The following POLN variants were observed in gnomAD, a reference collection of about 807,000 sequenced individuals.
POLN encodes the protein DNA polymerase nu.
In POLN, 108 loss-of-function variants were observed where a neutral mutation model predicts 113.5. The ratio of observed to expected loss-of-function variants is 0.95; its 90% CI spans 0.81 to 1.12. The LOEUF is 1.12. Ranked by LOEUF, POLN falls within the 50% of genes most tolerant of loss-of-function variation. The pLI is 0.00. For synonymous variants in POLN, 386 were observed against 391.5 expected (o/e 0.99, Z 0.17); for missense variants, 1,097 against 1,077.1 (o/e 1.02, Z -0.26).
intron 6 of POLN, among the ~76,000 whole-genome samples, chr4:2,197,087 G>A (rs756512615): frequency 6.6e-6 from 1 of 152,222 alleles, no homozygotes; most frequent in Admixed American, 6.5e-5. Flanking sequence ...TTCTACACTT[G>A]ATCTTAGCCA....
At chr4:2,074,047 C>T (rs765442684) in intron 24 of POLN, among the ~76,000 whole-genome samples, 7 of 152,232 alleles carry the variant, frequency 4.6e-5, no homozygotes, top group Non-Finnish European at 8.8e-5. Context: ...CAAGCTGGAC[C>T]ATTGGCTCCT....
intron 13 of POLN, 27 bp downstream of exon 13, chr4:2,170,652 A>C: frequency 6.3e-7 from 1 of 1,588,204 alleles, no homozygotes; most frequent in Non-Finnish European, 8.6e-7. Flanking sequence ...CATTCTAAAA[A>C]GAAAAAGGAT....
chr4:2,093,084 CTT>C lies in POLN; in HGVS notation c.2065+2765_2065+2766del, dbSNP rs977109715. Among the ~76,000 whole-genome samples the C allele has an allele frequency of 2.0e-5, 3 of 151,514 alleles. No homozygotes were observed. Among genetic ancestry groups the C allele is most frequent in the African/African-American group, 7.3e-5 (3 of 40,938 alleles). ...CAGTGCTTATTTACAAAATGTAGCT[CTT>C]TTCCTCTCCAGAAAAAAAAAAAAAG... On this transcript the variant is annotated intron_variant, in intron 20 of 25. Coordinates refer to ENST00000511885, the MANE Select transcript of POLN (RefSeq NM_181808.4). The surrounding 1 kb of genome is among the most constrained non-coding windows in gnomAD (Gnocchi z 4.1).
chr4:2,129,400 A>G (rs372889718), intron 17 of POLN, 144 bp from the exon 18 acceptor site: 14 of 558,322 alleles, frequency 2.5e-5, no homozygotes, highest in East Asian at 1.4e-4. Context: ...TAATTTAATT[A>G]TTTTAGAGAT....
At chr4:2,145,103 C>T (rs1223103559) in intron 16 of POLN, among the ~76,000 whole-genome samples, 1 of 152,032 alleles carries the variant, frequency 6.6e-6, no homozygotes, top group Non-Finnish European at 1.5e-5. Flanking sequence ...AATCAGATCG[C>T]TACCTTAGAC....
At chr4:2,187,191 A>C (rs777666173) in intron 7 of POLN, among the ~76,000 whole-genome samples, 18 of 152,184 alleles carry the variant, frequency 1.2e-4, no homozygotes, top group Non-Finnish European at 2.2e-4. Flanking sequence ...AGGAATAGAA[A>C]GCTTATTCAA....
chr4:2,122,571 A>G (rs1731470247), intron 19 of POLN, among the ~76,000 whole-genome samples: 1 of 152,226 alleles, frequency 6.6e-6, no homozygotes, highest in Non-Finnish European at 1.5e-5. Flanking sequence ...CTAGAATCAA[A>G]AAGACAGGTA....
chr4:2,132,687 AG>A (rs1328823331), intron 16 of POLN, among the ~76,000 whole-genome samples: 3 of 152,216 alleles, frequency 2.0e-5, no homozygotes, highest in Non-Finnish European at 4.4e-5. Flanking sequence ...AAGACAATGG[AG>A]CCACAACTTC....
At chr4:2,205,406 A>G (rs1001285564) in intron 5 of POLN, among the ~76,000 whole-genome samples, 1 of 152,204 alleles carries the variant, frequency 6.6e-6, no homozygotes, top group Non-Finnish European at 1.5e-5. Context: ...TCTGCATGGA[A>G]AACTCCAAAA....
intron 13 of POLN, among the ~76,000 whole-genome samples, chr4:2,160,640 C>T (rs1732557397): frequency 6.6e-6 from 1 of 152,082 alleles, no homozygotes; most frequent in Non-Finnish European, 1.5e-5. Context: ...AACTCCTGGC[C>T]TCAAGTGATC....
At chr4:2,236,346 T>A in intron 2 of POLN, 1 of 1,613,074 alleles carries the variant, frequency 6.2e-7, no homozygotes, top group Non-Finnish European at 8.5e-7. Flanking sequence ...TGCCAACTGA[T>A]CTTGTACTAA....
intron 16 of POLN, among the ~76,000 whole-genome samples, chr4:2,155,866 G>A (rs1032859091): frequency 9.2e-5 from 14 of 151,460 alleles, no homozygotes; most frequent in Middle Eastern, 3.2e-3. Flanking sequence ...ACAGAGTCTC[G>A]CTCTGTCACC....
chr4:2,084,532 C>T (rs758685034), intron 21 of POLN, among the ~76,000 whole-genome samples: 34 of 152,220 alleles, frequency 2.2e-4, no homozygotes, highest in East Asian at 5.8e-4. Flanking sequence ...GCTCCCCTTC[C>T]GGGCTAGTGT....
chr4:2,085,503 A>G, intron 21 of POLN, 110 bp downstream of exon 21: 3 of 1,454,442 alleles, frequency 2.1e-6, no homozygotes, highest in Admixed American at 2.0e-5. Flanking sequence ...CAGGCCCCCA[A>G]ACCAACCTCA....
At chr4:2,115,981 G>A (rs1212434850) in intron 19 of POLN, among the ~76,000 whole-genome samples, 2 of 152,188 alleles carry the variant, frequency 1.3e-5, no homozygotes, top group Non-Finnish European at 2.9e-5. Context: ...AGCTTTTCGG[G>A]TTCACTTTGC....
intron 6 of POLN, among the ~76,000 whole-genome samples, chr4:2,195,995 C>G (rs895155751): frequency 7.2e-5 from 11 of 152,142 alleles, no homozygotes; most frequent in African/African-American, 2.7e-4. Flanking sequence ...GTTGACACCA[C>G]CTGAACCCAC....
At chr4:2,148,467 G>C (rs941053191) in intron 16 of POLN, among the ~76,000 whole-genome samples, 4 of 152,156 alleles carry the variant, frequency 2.6e-5, no homozygotes, top group African/African-American at 9.7e-5. Flanking sequence ...AGGAATTTGA[G>C]ACCAGCCTGA....
intron 2 of POLN, among the ~76,000 whole-genome samples, chr4:2,232,561 A>G (rs1734620387): frequency 6.6e-6 from 1 of 152,216 alleles, no homozygotes; most frequent in South Asian, 2.1e-4. Context: ...TTCTCTGTTT[A>G]TTCTGGACAG....
chr4:2,140,222 C>A (rs927789695), intron 16 of POLN, among the ~76,000 whole-genome samples: 1 of 152,036 alleles, frequency 6.6e-6, no homozygotes, highest in Non-Finnish European at 1.5e-5. Flanking sequence ...GGATTACAGG[C>A]GTGCGCCACC....
Sources: allele counts gnomAD v4.1 joint callset (sites outside exome capture counted in the v4.1 genomes callset), GRCh38; gene constraint gnomAD v4.1.1; non-coding constraint Gnocchi (gnomAD v3.1); transcripts MANE v1.5; gene names NCBI Gene and HGNC (gene_info 2026-07-23, HGNC 2026-07-21).